Variants in SPRING1 observed in about 807,000 individuals in gnomAD.
SPRING1 encodes the protein SREBP regulating gene protein.
A neutral mutation model predicts 24.7 loss-of-function variants in SPRING1; 14 were observed. The ratio of observed to expected loss-of-function variants is 0.57; its 90% CI spans 0.37 to 0.88. The LOEUF (loss-of-function observed/expected upper bound fraction) is 0.88, where lower values mean the gene tolerates loss of function less well. SPRING1 is among the 40% of genes least tolerant of loss of function. The probability of loss-of-function intolerance (pLI) is 0.00; values close to 1 mark genes in which losing one functional copy is unlikely to be tolerated. For synonymous variants in SPRING1, 93 were observed against 106.1 expected, an observed-to-expected ratio of 0.88 and a Z score of 0.76; for missense variants, 255 against 268.4, an observed-to-expected ratio of 0.95 and a Z score of 0.35.
At chr12:116,726,424 C>G (rs77706851) in intron 1 of SPRING1, among the ~76,000 whole-genome samples, 2,768 of 152,232 alleles carry the variant, frequency 0.018, 120 homozygotes, top group East Asian at 0.16. Flanking sequence ...CTTTAATTTA[C>G]CGTCTTTCAA....
chr12:116,737,692 A>G, intron 1 of SPRING1, 98 bp downstream of exon 1: 3 of 1,312,124 alleles, frequency 2.3e-6, no homozygotes, highest in Non-Finnish European at 3.0e-6. Flanking sequence ...GAGGAAGGAA[A>G]AAAGGAGGAA....
At position 116,728,938 on chromosome 12, in the gene SPRING1, T is replaced by C. The variant is rs571178114; in HGVS notation, c.112-5715A>G. Among the ~76,000 whole-genome samples, 1 of 152,348 alleles carries C rather than the reference T, an allele frequency of 6.6e-6. No homozygotes were observed. The highest frequency in any genetic ancestry group is 2.1e-4 in the South Asian group (1 of 4,832). ...CTAATCTTAAAAATTACTGAGGACC[T>C]CAATATGTGGGTTTATGTGAGTTAT... On this transcript the variant is annotated intron_variant, in intron 1 of 4. Transcript: ENST00000261318. The surrounding 1 kb of genome is among the most constrained non-coding windows in gnomAD (Gnocchi z 4.2).
In SPRING1 at chr12:116,734,390, G is replaced by A. The variant is rs74325718; in HGVS notation, c.111+3400C>T. Among the ~76,000 whole-genome samples the A allele has an allele frequency of 5.1e-3, 773 of 152,250 alleles. 4 individuals are homozygous for A. The highest frequency in any genetic ancestry group is 8.1e-3 in the Non-Finnish European group (550 of 68,018). ...AGATGCATTTTTCAGAATCTTGAGC[G>A]ACGCATGACTATAATCTTAAAATGA... On this transcript the variant is annotated intron_variant, in intron 1 of 4. Transcript: ENST00000261318.
At position 116,710,341 on chromosome 12, in the gene SPRING1, T is replaced by G. The variant is rs1384186234; in HGVS notation, c.*7469A>C. The G allele has an allele frequency of 6.6e-6, 1 of 152,240 alleles. No individual in the cohort carries two copies. Among genetic ancestry groups the G allele is most frequent in the East Asian group, 1.9e-4 (1 of 5,202 alleles). The allele number at this position is 152,240 out of a possible 1,614,324, so 9.4% of individuals were successfully genotyped here. A position where few individuals can be genotyped will look rare whatever the true frequency, so the allele number is the denominator to read the frequency against. On this transcript the variant is annotated 3_prime_UTR_variant, in exon 5 of 5. Transcript: ENST00000261318. ...ACAATTTAATTTCTTTGTAAGTTCA[T>G]ACATTTTAAGGTTTCTGCCTGGTAA...
chr12:116,733,542 A>G (rs1566062114), intron 1 of SPRING1, among the ~76,000 whole-genome samples: 2 of 151,924 alleles, frequency 1.3e-5, no homozygotes, highest in Non-Finnish European at 2.9e-5. Flanking sequence ...GAAAAACAGG[A>G]AAAAAAGCAT....
intron 1 of SPRING1, among the ~76,000 whole-genome samples, chr12:116,724,385 A>G (rs1301494005): frequency 1.3e-5 from 2 of 152,238 alleles, no homozygotes; most frequent in Admixed American, 6.5e-5. Context: ...AGGGAAATAC[A>G]AGGATGTTTA....
At chr12:116,737,354 G>C (rs532723942) in intron 1 of SPRING1, among the ~76,000 whole-genome samples, 1 of 152,124 alleles carries the variant, frequency 6.6e-6, no homozygotes, top group South Asian at 2.1e-4. Context: ...AGAACGAAGT[G>C]AGGAAAGAGG....
chr12:116,736,655 T>A (rs572383777), intron 1 of SPRING1, among the ~76,000 whole-genome samples: 4 of 152,258 alleles, frequency 2.6e-5, no homozygotes, highest in African/African-American at 9.6e-5. Flanking sequence ...GCATAACCCA[T>A]TATCCTGGGT....
At chr12:116,737,145 C>T (rs1373274575) in intron 1 of SPRING1, among the ~76,000 whole-genome samples, 1 of 152,178 alleles carries the variant, frequency 6.6e-6, no homozygotes, top group Non-Finnish European at 1.5e-5. Flanking sequence ...GGTTCTAGTC[C>T]CAGCTCTGCC....
rs1870165177 is a variant in SPRING1 at position 116,716,955 on chromosome 12, A to C, written c.*855T>G. 1 of 152,252 alleles carries C rather than the reference A, an allele frequency of 6.6e-6. No individual in the cohort carries two copies. The highest frequency in any genetic ancestry group is 6.5e-5 in the Admixed American group (1 of 15,284). The allele number at this position is 152,252 out of a possible 1,614,324, so 9.4% of individuals were successfully genotyped here. ...ACTGTACCCTGGCTGAGTAGCCCACAGTTAATTTTAAGTGGCAAAAGAAAT... is the reference window on the plus strand; with the variant it reads ...ACTGTACCCTGGCTGAGTAGCCCACCGTTAATTTTAAGTGGCAAAAGAAAT... On this transcript the variant is annotated 3_prime_UTR_variant, in exon 5 of 5. Transcript: ENST00000261318.
chr12:116,736,882 G>C (rs1423508019), intron 1 of SPRING1, among the ~76,000 whole-genome samples: 1 of 152,138 alleles, frequency 6.6e-6, no homozygotes, highest in Non-Finnish European at 1.5e-5. Flanking sequence ...AGGAACTGTG[G>C]GTCCTTTTGA....
Position 116,713,116 on chromosome 12 carries a change from C to G in SPRING1, c.*4694G>C, listed in dbSNP as rs1193831140. 1 of 152,192 alleles carries G rather than the reference C, an allele frequency of 6.6e-6. No homozygotes were observed. The highest frequency in any genetic ancestry group is 2.4e-5 in the African/African-American group (1 of 41,430). The allele number at this position is 152,192 out of a possible 1,614,324, so 9.4% of individuals were successfully genotyped here. A position where few individuals can be genotyped will look rare whatever the true frequency, so the allele number is the denominator to read the frequency against. On this transcript the variant is annotated 3_prime_UTR_variant, in exon 5 of 5. Transcript: ENST00000261318. ...GGGGGCTGTTGGGCACCATCCCTGG[C>G]CTCCCTCCACGAGTGCCCACAGTAC...
chr12:116,737,490 G>GA (rs576807384), intron 1 of SPRING1, among the ~76,000 whole-genome samples: 111 of 140,234 alleles, frequency 7.9e-4, no homozygotes, highest in African/African-American at 2.9e-3. Context: ...GAGGAAAGAA[G>GA]AAAGGGAAGG....
intron 1 of SPRING1, among the ~76,000 whole-genome samples, chr12:116,734,462 A>G (rs1352384923): frequency 6.6e-6 from 1 of 152,228 alleles, no homozygotes; most frequent in Non-Finnish European, 1.5e-5. Context: ...GGAAGGTGAC[A>G]GAGTGGACAG....
intron 2 of SPRING1, among the ~76,000 whole-genome samples, chr12:116,722,524 TA>T (rs1047662189): frequency 2.0e-5 from 3 of 152,232 alleles, no homozygotes; most frequent in African/African-American, 7.2e-5. Flanking sequence ...CTCTGCTTAT[TA>T]AAAAACAAAA....
In SPRING1 at chr12:116,723,058, C is replaced by T; in HGVS notation, c.268+9G>A. 6.2e-7 allele frequency: 1 copy of T among 1,612,290 alleles called. No homozygotes were observed. Among genetic ancestry groups the T allele is most frequent in the Non-Finnish European group, 8.5e-7 (1 of 1,180,016 alleles). ...TGACCGCCTGGAGAGGAAGGGAAGC[C>T]AGCCTCACCGAGTTCATCCGTGATG... On this transcript the variant is annotated intron_variant, in intron 2 of 4. Coordinates refer to ENST00000261318, the MANE Select transcript of SPRING1 (RefSeq NM_024738.4).
At position 116,737,875 on chromosome 12, in the gene SPRING1, C is replaced by A; in HGVS notation, c.26G>T (p.Trp9Leu). ...CCACCTCTTCCGCAGAAGCCGGCGC[C>A]ACACCATGGCCGCCAGGTTCACCAT... MVNLAAMV[W>L]RRLLRKRWVL... is the part of the protein sequence containing the mutation. The change falls in exon 1 of 5, where the codon TGG becomes TTG. Residue 9 changes from tryptophan (W) to leucine (L), a missense_variant. Physicochemically the swap from Trp to Leu is moderately conservative, Grantham distance 61 (BLOSUM62 -2). Transcript: ENST00000261318. The A allele has an allele frequency of 6.4e-7, 1 of 1,571,262 alleles. No homozygotes were observed. The highest frequency in any genetic ancestry group is 1.1e-5 in the South Asian group (1 of 88,148).
intron 1 of SPRING1, among the ~76,000 whole-genome samples, chr12:116,735,014 C>T (rs927915912): frequency 2.6e-5 from 4 of 152,104 alleles, no homozygotes; most frequent in African/African-American, 4.8e-5. Flanking sequence ...GTGGTCCAGA[C>T]GAGAGATGCC....
intron 1 of SPRING1, among the ~76,000 whole-genome samples, chr12:116,730,547 A>G (rs1413812107): frequency 1.3e-5 from 2 of 152,216 alleles, no homozygotes; most frequent in East Asian, 3.8e-4. Flanking sequence ...AAATGGGTGA[A>G]CTGTATGATA....
Sources: gnomAD v4.1 joint callset for allele counts (sites outside exome capture counted in the v4.1 genomes callset) on GRCh38, gnomAD v4.1.1 for gene constraint, Gnocchi (gnomAD v3.1) non-coding constraint, MANE v1.5 for transcripts, NCBI Gene and HGNC (gene_info 2026-07-23, HGNC 2026-07-21) for gene names.